The following MRPS6 variants were observed in gnomAD, a reference collection of about 807,000 sequenced individuals.
MRPS6 encodes the protein small ribosomal subunit protein bS6m.
A neutral mutation model predicts 13.1 loss-of-function variants in MRPS6; 6 were observed. The observed-to-expected ratio is 0.46, with a 90% CI of 0.25 to 0.91. The LOEUF (loss-of-function observed/expected upper bound fraction) is 0.91, where lower values mean the gene tolerates loss of function less well. Among genes scored for constraint, MRPS6 ranks in the 40% least tolerant of loss-of-function variants. MRPS6 has a pLI of 0.18. For missense variants in MRPS6, 164 were observed against 155.6 expected, an observed-to-expected ratio of 1.05 and a Z score of -0.29; for synonymous variants, 61 against 56.5, an observed-to-expected ratio of 1.08 and a Z score of -0.36.
chr21:34,097,056 G>C, intron 1 of MRPS6: 1 of 1,614,090 alleles, frequency 6.2e-7, no homozygotes, highest in Non-Finnish European at 8.5e-7. Flanking sequence ...GGCATCCTTA[G>C]GTCATTCAGA....
chr21:34,096,623 G>A lies in MRPS6; in HGVS notation c.45+22878G>A. ...AACAAGGGGCTTTCTATGGTGGAAT[G>A]GCTGGCTTTGTTCTTGGAGCAGTCC... On this transcript the variant is annotated intron_variant, in intron 1 of 2. Transcript: ENST00000399312. The surrounding 1 kb of genome is among the most constrained non-coding windows in gnomAD (Gnocchi z 5.9). 6.2e-7 allele frequency: 1 copy of A among 1,614,158 alleles called. No homozygotes were observed. The highest frequency in any genetic ancestry group is 1.1e-5 in the South Asian group (1 of 91,074).
chr21:34,103,229 A>T (rs573684951), intron 1 of MRPS6: 112 of 999,326 alleles, frequency 1.1e-4, no homozygotes, highest in Non-Finnish European at 1.2e-4. Context: ...ACCAGTATTG[A>T]CTCTGCTAGT....
intron 1 of MRPS6, among the ~76,000 whole-genome samples, chr21:34,119,557 GTTGTATAACTCTT>G (rs1452662293): frequency 6.6e-6 from 1 of 152,164 alleles, no homozygotes; most frequent in Non-Finnish European, 1.5e-5. Flanking sequence ...GCTCTTGAGT[GTTGTATAACTCTT>G]TGTAACGTGA....
chr21:34,101,417 G>C, intron 1 of MRPS6: 1 of 1,000,168 alleles, frequency 1.0e-6, no homozygotes, highest in Non-Finnish European at 1.2e-6. Context: ...TGAGGCTTCA[G>C]TATTTGTAAG....
rs1039299010 is a variant in MRPS6 at position 34,105,156 on chromosome 21, C to T, written c.46-20185C>T. 1.5e-5 allele frequency: 15 copies of T among 999,974 alleles called. No individual in the cohort carries two copies. In the Admixed American group the frequency reaches 2.5e-4, roughly 16 times the overall value. 61.9% of individuals were successfully genotyped at this position (999,974 alleles called of 1,614,324 possible). A position where few individuals can be genotyped will look rare whatever the true frequency, so the allele number is the denominator to read the frequency against. ...GTATGGAATTTGTTCCCTTGCTTTC[C>T]CCCACTGTTACTGCTTCAGTTTATA... On this transcript the variant is annotated intron_variant, in intron 1 of 2. Coordinates refer to ENST00000399312, the MANE Select transcript of MRPS6 (RefSeq NM_032476.4).
intron 1 of MRPS6, chr21:34,099,868 G>C (rs1855661678): frequency 2.5e-6 from 1 of 405,972 alleles, no homozygotes. Context: ...CTTTCTTATT[G>C]CTTCCCAGTA....
At chr21:34,099,018 A>G in intron 1 of MRPS6, 1 of 990,946 alleles carries the variant, frequency 1.0e-6, no homozygotes, top group Non-Finnish European at 1.2e-6. Context: ...TGTAGTCTAT[A>G]AACTAGTTTC....
intron 1 of MRPS6, among the ~76,000 whole-genome samples, chr21:34,089,064 T>C (rs1239008247): frequency 6.6e-6 from 1 of 152,178 alleles, no homozygotes; most frequent in African/African-American, 2.4e-5. Context: ...TCTCGCTCTG[T>C]TGCCCAGGCT....
intron 1 of MRPS6, among the ~76,000 whole-genome samples, chr21:34,074,806 G>C (rs749450750): frequency 6.6e-6 from 1 of 152,232 alleles, no homozygotes; most frequent in Admixed American, 6.5e-5. Flanking sequence ...GGTCAATTGC[G>C]AGGAGTATTA....
At chr21:34,093,871 T>A (rs536312481) in intron 1 of MRPS6, among the ~76,000 whole-genome samples, 1 of 152,292 alleles carries the variant, frequency 6.6e-6, no homozygotes, top group African/African-American at 2.4e-5. Flanking sequence ...TACTGAAGAT[T>A]TATCTAATGG....
chr21:34,101,997 T>A, intron 1 of MRPS6: 3 of 1,000,170 alleles, frequency 3.0e-6, no homozygotes, highest in Non-Finnish European at 3.6e-6. Flanking sequence ...AATTTGGAAT[T>A]AGTTGGCATA....
Position 34,128,933 on chromosome 21 carries a change from G to A in MRPS6, c.185+3453G>A, listed in dbSNP as rs146034236. ...AATCATTGGTGCATGACCTGGAGCT[G>A]GGTGGCTCAGAGGCCTGGGAGTCAC... On this transcript the variant is annotated intron_variant, in intron 2 of 2. Transcript: ENST00000399312. Among the ~76,000 whole-genome samples, 20 of 152,290 alleles carry A rather than the reference G, an allele frequency of 1.3e-4. 1 individual carries two copies. In the East Asian group the frequency reaches 3.3e-3, roughly 25 times the overall value.
At chr21:34,130,235 C>G (rs1418350772) in intron 2 of MRPS6, among the ~76,000 whole-genome samples, 1 of 152,146 alleles carries the variant, frequency 6.6e-6, no homozygotes, top group Admixed American at 6.5e-5. Context: ...CAAGCAAGCT[C>G]TTTTTATGGA....
chr21:34,107,438 G>C (rs1312717326), intron 1 of MRPS6, among the ~76,000 whole-genome samples: 1 of 152,190 alleles, frequency 6.6e-6, no homozygotes, highest in South Asian at 2.1e-4. Context: ...TCTTGGTTAA[G>C]GTGGTGTCCA....
At chr21:34,078,786 T>C (rs1989392558) in intron 1 of MRPS6, among the ~76,000 whole-genome samples, 1 of 152,226 alleles carries the variant, frequency 6.6e-6, no homozygotes, top group African/African-American at 2.4e-5. Context: ...GATAAAATAC[T>C]GTGTGATTAC....
At position 34,112,206 on chromosome 21, in the gene MRPS6, A is replaced by G. The variant is rs144328771; in HGVS notation, c.46-13135A>G. The stretch of plus-strand genomic sequence containing the variant: ...ACTTTTATTTCTCAATTCTCCATTT[A>G]TTCTTTGACTAGTCATCAAACATTT... On this transcript the variant is annotated intron_variant, in intron 1 of 2. Coordinates refer to ENST00000399312, the MANE Select transcript of MRPS6 (RefSeq NM_032476.4). Among the ~76,000 whole-genome samples the G allele has an allele frequency of 4.0e-3, 602 of 152,250 alleles. 5 individuals carry two copies. The highest frequency in any genetic ancestry group is 0.014 in the African/African-American group (576 of 41,532).
intron 2 of MRPS6, chr21:34,135,474 C>A: frequency 2.0e-6 from 1 of 491,430 alleles, no homozygotes. Context: ...CATCCTTCTT[C>A]TTGATGGCAA....
chr21:34,129,343 G>A (rs143158901), intron 2 of MRPS6, among the ~76,000 whole-genome samples: 5 of 152,304 alleles, frequency 3.3e-5, no homozygotes, highest in Admixed American at 6.5e-5. Context: ...GTATTTCAGC[G>A]TTGGGCTTGT....
At chr21:34,106,520 T>A (rs1337277591) in intron 1 of MRPS6, among the ~76,000 whole-genome samples, 1 of 152,212 alleles carries the variant, frequency 6.6e-6, no homozygotes, top group East Asian at 1.9e-4. Context: ...ATTTTGAAAT[T>A]TCAAGTTATA....
Sources: gnomAD v4.1 joint callset for allele counts (sites outside exome capture counted in the v4.1 genomes callset) on GRCh38, gnomAD v4.1.1 for gene constraint, Gnocchi (gnomAD v3.1) non-coding constraint, MANE v1.5 for transcripts, NCBI Gene and HGNC (gene_info 2026-07-23, HGNC 2026-07-21) for gene names.